Variants in CASK observed in about 807,000 individuals in gnomAD.
The protein encoded by CASK is calcium/calmodulin dependent serine protein kinase.
A neutral mutation model predicts 82.9 loss-of-function variants in CASK; 4 were observed. The ratio of observed to expected loss-of-function variants is 0.05; its 90% CI spans 0.02 to 0.11. The LOEUF is 0.11. Among genes scored for constraint, CASK ranks in the 10% least tolerant of loss-of-function variants. The probability of loss-of-function intolerance (pLI) is 1.00; values close to 1 mark genes in which losing one functional copy is unlikely to be tolerated. For missense variants in CASK, 358 were observed against 720.9 expected, an observed-to-expected ratio of 0.50 and a Z score of 5.76; for synonymous variants, 259 against 253.5, an observed-to-expected ratio of 1.02 and a Z score of -0.20.
At chrX:41,867,055 A>G (rs1395527303) in intron 1 of CASK, among the ~76,000 whole-genome samples, 1 of 112,171 alleles carries the variant, frequency 8.9e-6, no homozygotes, top group African/African-American at 3.2e-5. Flanking sequence ...ATCATGGCAC[A>G]CTGTTTGGGA....
Position 41,670,143 on chromosome X carries a change from C to G in CASK, c.532+1285G>C, listed in dbSNP as rs140416217. ...TGCTCTCTGAGGTTTAATACCAGAA[C>G]TCAATCTTTTCTTGGGAATATTATG... On this transcript the variant is annotated intron_variant, in intron 6 of 26. Coordinates refer to ENST00000378163, the MANE Select transcript of CASK (RefSeq NM_001367721.1). Among the ~76,000 whole-genome samples the G allele has an allele frequency of 6.9e-3, 773 of 112,051 alleles. 2 individuals are homozygous for G. The highest frequency in any genetic ancestry group is 0.023 in the Middle Eastern group (5 of 217).
At chrX:41,660,939 T>C (rs762772845) in intron 7 of CASK, among the ~76,000 whole-genome samples, 5 of 112,234 alleles carry the variant, frequency 4.5e-5, no homozygotes, top group African/African-American at 6.5e-5. Flanking sequence ...ATTTTTAAGA[T>C]ATGTTTTAAA....
At chrX:41,604,297 C>G (rs906309399) in intron 12 of CASK, among the ~76,000 whole-genome samples, 4 of 101,437 alleles carry the variant, frequency 3.9e-5, no homozygotes, top group Non-Finnish European at 6.0e-5. Context: ...AAATAAGTGT[C>G]TTTATAGATG....
intron 5 of CASK, among the ~76,000 whole-genome samples, chrX:41,711,065 A>C (rs766942830): frequency 8.9e-6 from 1 of 111,895 alleles, no homozygotes; most frequent in Non-Finnish European, 1.9e-5. Flanking sequence ...AATTGGGCCC[A>C]AAGAGGGAGC....
intron 25 of CASK, among the ~76,000 whole-genome samples, chrX:41,529,813 T>C (rs909413377): frequency 1.5e-4 from 17 of 112,208 alleles, no homozygotes; most frequent in Non-Finnish European, 3.0e-4. Flanking sequence ...TTTCCAAAGT[T>C]CCAAGTTCAA....
At chrX:41,857,346 C>T (rs1024063337) in intron 1 of CASK, among the ~76,000 whole-genome samples, 7 of 110,591 alleles carry the variant, frequency 6.3e-5, no homozygotes, top group Non-Finnish European at 9.4e-5. Flanking sequence ...TCCTGGGGTA[C>T]GGAAGGTTCA....
chrX:41,541,223 T>C (rs2064942565), intron 22 of CASK, among the ~76,000 whole-genome samples: 1 of 112,225 alleles, frequency 8.9e-6, no homozygotes, highest in South Asian at 3.7e-4. Context: ...TGTGCATTTC[T>C]ATTTAGTTTA....
chrX:41,680,745 G>A (rs1404308688), intron 5 of CASK, among the ~76,000 whole-genome samples: 1 of 108,822 alleles, frequency 9.2e-6, no homozygotes, highest in Non-Finnish European at 1.9e-5. Flanking sequence ...GAGAAACCCC[G>A]TCTCTACTAA....
At chrX:41,613,007 TG>T (rs779646041) in intron 11 of CASK, among the ~76,000 whole-genome samples, 9 of 72,781 alleles carry the variant, frequency 1.2e-4, no homozygotes, top group Admixed American at 4.7e-4. Flanking sequence ...GGGAGGGAGG[TG>T]GGGGGGTCAG....
intron 13 of CASK, among the ~76,000 whole-genome samples, chrX:41,588,682 A>G (rs1372651914): frequency 4.5e-5 from 5 of 110,622 alleles, no homozygotes; most frequent in Non-Finnish European, 9.5e-5. Context: ...TCACTTTATA[A>G]GAAATAATTT....
At chrX:41,800,359 C>G (rs957954999) in intron 2 of CASK, among the ~76,000 whole-genome samples, 1 of 110,580 alleles carries the variant, frequency 9.0e-6, no homozygotes, top group African/African-American at 3.3e-5. Context: ...GAGTGAGTTC[C>G]CCATTTTCCC....
At chrX:41,748,999 G>A (rs757287323) in intron 3 of CASK, among the ~76,000 whole-genome samples, 44 of 111,615 alleles carry the variant, frequency 3.9e-4, no homozygotes, top group African/African-American at 1.4e-3. Flanking sequence ...TTAAAATACT[G>A]TAGGGCCGGA....
chrX:41,904,199 T>C (rs1387249321), intron 1 of CASK, among the ~76,000 whole-genome samples: 1 of 112,261 alleles, frequency 8.9e-6, no homozygotes, highest in Non-Finnish European at 1.9e-5. Context: ...AGTTAATGCA[T>C]GTTGCACCAT....
chrX:41,893,037 G>A (rs994213313), intron 1 of CASK, among the ~76,000 whole-genome samples: 3 of 111,991 alleles, frequency 2.7e-5, no homozygotes, highest in Non-Finnish European at 5.6e-5. Context: ...GTTATAATGA[G>A]TTATCAAGAA....
At chrX:41,831,131 CA>C (rs2070801456) in intron 2 of CASK, among the ~76,000 whole-genome samples, 2 of 110,695 alleles carry the variant, frequency 1.8e-5, no homozygotes, top group Non-Finnish European at 3.8e-5. Context: ...TGTGAAAAAA[CA>C]AATCCAGAAA....
chrX:41,639,198 C>T lies in CASK; in HGVS notation c.832-2537G>A, dbSNP rs1405560956. On this transcript the variant is annotated intron_variant, in intron 8 of 26. Coordinates refer to ENST00000378163, the MANE Select transcript of CASK (RefSeq NM_001367721.1). ...AAGCAAATCTCCTGCCTCAGCCTCC[C>T]GAGTAGCTGGGACTACAGGTGTGCA... Among the ~76,000 whole-genome samples the T allele has an allele frequency of 4.6e-5, 5 of 108,559 alleles. No homozygotes were observed. The Admixed American group carries it at 5.0e-4, about 11-fold the overall frequency. 94.3% of individuals were successfully genotyped at this position (108,559 alleles called of 115,157 possible).
In CASK at chrX:41,561,657, A is replaced by G. The variant is rs753494257; in HGVS notation, c.1583-13T>C. On this transcript the variant is annotated splice_polypyrimidine_tract_variant and intron_variant, in intron 16 of 26. Transcript: ENST00000378163. Reference sequence around the variant, plus strand: ...ACATGAAGTGTACCTAAGAAATTATATAACATTATAAACATGAAATGATAT... The same window carrying G: ...ACATGAAGTGTACCTAAGAAATTATGTAACATTATAAACATGAAATGATAT... 2.8e-6 allele frequency: 3 copies of G among 1,081,657 alleles called. No homozygotes were observed. Among genetic ancestry groups the G allele is most frequent in the African/African-American group, 1.8e-5 (1 of 55,446 alleles). 89.1% of individuals were successfully genotyped at this position (1,081,657 alleles called of 1,213,427 possible).
At chrX:41,528,059 G>A (rs756075092) in intron 25 of CASK, among the ~76,000 whole-genome samples, 112 of 112,364 alleles carry the variant, frequency 1.0e-3, no homozygotes, top group African/African-American at 3.5e-3. Flanking sequence ...GAAAGGAAGT[G>A]GGGATTTACT....
chrX:41,917,173 A>G (rs2072707965), intron 1 of CASK, among the ~76,000 whole-genome samples: 2 of 112,361 alleles, frequency 1.8e-5, no homozygotes, highest in Admixed American at 1.9e-4. Context: ...AGCAGAATGC[A>G]GCATGAAATG....
Sources: gnomAD v4.1 joint callset for allele counts (sites outside exome capture counted in the v4.1 genomes callset) on GRCh38, gnomAD v4.1.1 for gene constraint, MANE v1.5 for transcripts, NCBI Gene and HGNC (gene_info 2026-07-23, HGNC 2026-07-21) for gene names.